Variants in IQCM observed in about 807,000 individuals in gnomAD.
IQCM encodes IQ domain-containing protein M.
Under a neutral mutation model 57.6 loss-of-function variants are expected in IQCM, and 45 were observed. The ratio of observed to expected loss-of-function variants is 0.78; its 90% CI spans 0.62 to 1.00. The LOEUF (loss-of-function observed/expected upper bound fraction) is 1.00, where lower values mean the gene tolerates loss of function less well. IQCM is among the 50% of genes least tolerant of loss of function. The pLI, the probability that IQCM is intolerant of heterozygous loss-of-function variation, is 0.00. For missense variants in IQCM, 468 were observed against 511.6 expected (o/e 0.91, Z 0.82); for synonymous variants, 148 against 158.9 (o/e 0.93, Z 0.51).
chr4:149,375,156 A>C (rs554817159), intron 13 of IQCM, among the ~76,000 whole-genome samples: 25 of 152,136 alleles, frequency 1.6e-4, no homozygotes, highest in Non-Finnish European at 1.8e-4. Flanking sequence ...CTGCAAACTA[A>C]AATAAATACC....
At chr4:149,409,204 G>T (rs1204649396) in intron 13 of IQCM, among the ~76,000 whole-genome samples, 1 of 152,164 alleles carries the variant, frequency 6.6e-6, no homozygotes, top group Non-Finnish European at 1.5e-5. Flanking sequence ...TGCACAAAAG[G>T]TCAGTCAAGA....
In IQCM at chr4:149,563,834, C is replaced by T; in HGVS notation, c.806G>A (p.Gly269Glu). 4 of 1,231,574 alleles carry T rather than the reference C, an allele frequency of 3.2e-6. No homozygotes were observed. Among genetic ancestry groups the T allele is most frequent in the Non-Finnish European group, 4.1e-6 (4 of 987,606 alleles). 76.3% of individuals were successfully genotyped at this position (1,231,574 alleles called of 1,614,324 possible). Reference sequence around the variant, plus strand: ...CACTTGGAAGATTTCTATGTGTGGTCCAATTCTTTTAACTTTACTGTCAAG... The same window carrying T: ...CACTTGGAAGATTTCTATGTGTGGTTCAATTCTTTTAACTTTACTGTCAAG... Reference protein sequence around the residue: ...DKLDSKVKRIGPHIEIFQVFR... With the variant: ...DKLDSKVKRIEPHIEIFQVFR... Residue 269 changes from glycine (G) to glutamate (E), a missense_variant, in exon 10 of 14, where the codon GGA becomes GAA. Gly to Glu is a moderately conservative substitution (Grantham distance 98). Coordinates refer to ENST00000636793, the MANE Select transcript of IQCM (RefSeq NM_001363507.2).
chr4:149,647,581 T>C (rs1306700983), intron 7 of IQCM, among the ~76,000 whole-genome samples: 3 of 152,120 alleles, frequency 2.0e-5, no homozygotes, highest in African/African-American at 7.2e-5. Flanking sequence ...CCTTTGGAAA[T>C]AATTTTTCTC....
At chr4:149,577,764 A>C (rs1282461483) in intron 9 of IQCM, among the ~76,000 whole-genome samples, 2 of 152,006 alleles carry the variant, frequency 1.3e-5, no homozygotes, top group African/African-American at 4.8e-5. Flanking sequence ...AATTCTGTGA[A>C]AAATGATATT....
At chr4:149,475,369 G>T (rs1011198275) in intron 12 of IQCM, among the ~76,000 whole-genome samples, 5 of 152,086 alleles carry the variant, frequency 3.3e-5, no homozygotes, top group African/African-American at 1.2e-4. Context: ...AATATAGGTG[G>T]GGCCAATTTG....
At chr4:149,733,164 A>G in intron 5 of IQCM, 80 bp downstream of exon 5, 1 of 1,154,964 alleles carries the variant, frequency 8.7e-7, no homozygotes, top group Non-Finnish European at 1.1e-6. Context: ...TTGAAAAAGA[A>G]AATTCCATTA....
At chr4:149,433,808 T>C (rs1027045686) in intron 12 of IQCM, among the ~76,000 whole-genome samples, 1 of 151,874 alleles carries the variant, frequency 6.6e-6, no homozygotes, top group African/African-American at 2.4e-5. Context: ...GTTAAGGCTG[T>C]GAAAAAAAAT....
chr4:149,813,985 G>T (rs145070906), intron 2 of IQCM, among the ~76,000 whole-genome samples: 57 of 152,130 alleles, frequency 3.7e-4, no homozygotes, highest in Admixed American at 9.2e-4. Flanking sequence ...TTATGAGCAT[G>T]CTGTAATCCA....
chr4:149,765,343 AAGATG>A (rs1171896867), intron 2 of IQCM, among the ~76,000 whole-genome samples: 1 of 152,142 alleles, frequency 6.6e-6, no homozygotes, highest in African/African-American at 2.4e-5. Context: ...AAATATATCA[AAGATG>A]AAGTAATTTC....
chr4:149,586,034 C>T (rs372351682), intron 9 of IQCM, among the ~76,000 whole-genome samples: 2 of 151,566 alleles, frequency 1.3e-5, no homozygotes, highest in African/African-American at 2.4e-5. Context: ...AAACATTCAT[C>T]GTGGAGGCTG....
intron 13 of IQCM, among the ~76,000 whole-genome samples, chr4:149,379,419 T>C (rs1442015850): frequency 6.6e-6 from 1 of 152,114 alleles, no homozygotes; most frequent in Non-Finnish European, 1.5e-5. Context: ...GCCATAGAAG[T>C]GGAGCTGCCC....
intron 7 of IQCM, among the ~76,000 whole-genome samples, chr4:149,630,569 T>A (rs1257817651): frequency 6.6e-6 from 1 of 152,158 alleles, no homozygotes; most frequent in Non-Finnish European, 1.5e-5. Flanking sequence ...ATTTGATTTT[T>A]AAAAAAATAA....
chr4:149,650,049 C>T (rs1388709005), intron 7 of IQCM, among the ~76,000 whole-genome samples: 1 of 152,040 alleles, frequency 6.6e-6, no homozygotes, highest in Non-Finnish European at 1.5e-5. Context: ...AGATAGTAGG[C>T]CCCATGTTAT....
chr4:149,527,871 C>T (rs1423394245), intron 12 of IQCM, among the ~76,000 whole-genome samples: 1 of 152,130 alleles, frequency 6.6e-6, no homozygotes, highest in African/African-American at 2.4e-5. Context: ...TGCCACTTTC[C>T]TTTCCCTGAC....
At chr4:149,715,967 A>G (rs187090240) in intron 5 of IQCM, among the ~76,000 whole-genome samples, 1 of 152,270 alleles carries the variant, frequency 6.6e-6, no homozygotes, top group Non-Finnish European at 1.5e-5. Flanking sequence ...TGATTGGTCT[A>G]TGGGTGGGCC....
intron 2 of IQCM, among the ~76,000 whole-genome samples, chr4:149,754,546 C>A (rs1272107376): frequency 2.6e-5 from 4 of 152,172 alleles, no homozygotes; most frequent in Non-Finnish European, 5.9e-5. Flanking sequence ...AATCTTAGTC[C>A]TCATCTTAGC....
At chr4:149,631,020 TG>T (rs2150093062) in intron 7 of IQCM, among the ~76,000 whole-genome samples, 1 of 152,316 alleles carries the variant, frequency 6.6e-6, no homozygotes, top group South Asian at 2.1e-4. Context: ...GCAAGCAATA[TG>T]GTTTTTGCTG....
chr4:149,718,364 C>T (rs1334349476), intron 5 of IQCM, among the ~76,000 whole-genome samples: 3 of 152,114 alleles, frequency 2.0e-5, no homozygotes, highest in Non-Finnish European at 4.4e-5. Context: ...GTCTGCTAAA[C>T]TGAAAGTTCC....
intron 5 of IQCM, among the ~76,000 whole-genome samples, chr4:149,708,616 A>AT (rs1764335526): frequency 6.6e-6 from 1 of 151,984 alleles, no homozygotes; most frequent in East Asian, 1.9e-4. Context: ...GATTAGGATC[A>AT]TTTTCCAGTG....
Sources: allele counts gnomAD v4.1 joint callset (sites outside exome capture counted in the v4.1 genomes callset), GRCh38; gene constraint gnomAD v4.1.1; transcripts MANE v1.5; gene names NCBI Gene and HGNC (gene_info 2026-07-23, HGNC 2026-07-21).